Variants in SEC13 observed in about 807,000 individuals in gnomAD.
SEC13 encodes the protein SEC13 homolog, nuclear pore and COPII component.
Under a neutral mutation model 49.2 loss-of-function variants are expected in SEC13, and 25 were observed. That is an observed-to-expected ratio of 0.51 (90% CI 0.37 to 0.71). SEC13 has a LOEUF of 0.71. Among genes scored for constraint, SEC13 ranks in the 30% least tolerant of loss-of-function variants. SEC13 has a pLI of 0.00. For synonymous variants in SEC13, 148 were observed against 163.9 expected, an observed-to-expected ratio of 0.90 and a Z score of 0.74; for missense variants, 383 against 417.6, an observed-to-expected ratio of 0.92 and a Z score of 0.72.
intron 5 of SEC13, among the ~76,000 whole-genome samples, chr3:10,308,202 C>G (rs1701010283): frequency 6.6e-6 from 1 of 152,176 alleles, no homozygotes; most frequent in Non-Finnish European, 1.5e-5. Context: ...CCATCATTCC[C>G]AAAAGTTTCC....
chr3:10,305,928 G>GAAAC (rs1187906386), intron 5 of SEC13: 7 of 408,146 alleles, frequency 1.7e-5, no homozygotes, highest in East Asian at 6.8e-5. Flanking sequence ...ACAAGTTTAA[G>GAAAC]AAACAGGACA....
At chr3:10,319,969 G>A (rs1400946549) in intron 1 of SEC13, among the ~76,000 whole-genome samples, 9 of 97,742 alleles carry the variant, frequency 9.2e-5, no homozygotes, top group Non-Finnish European at 1.7e-4. Context: ...GGAGAGGAAG[G>A]GGGGAGGGAG....
intron 1 of SEC13, among the ~76,000 whole-genome samples, chr3:10,318,339 T>C (rs2125287332): frequency 6.6e-6 from 1 of 152,100 alleles, no homozygotes; most frequent in African/African-American, 2.4e-5. Flanking sequence ...AATTATTTAA[T>C]GGTGGTTTGT....
At chr3:10,309,474 G>T (rs1701112382) in intron 5 of SEC13, among the ~76,000 whole-genome samples, 1 of 152,026 alleles carries the variant, frequency 6.6e-6, no homozygotes, top group South Asian at 2.1e-4. Flanking sequence ...TTTCAGGCAG[G>T]ATCTGCTGTG....
Position 10,318,034 on chromosome 3 carries a change from T to G in SEC13, c.48+16A>C. The G allele has an allele frequency of 6.3e-7, 1 of 1,583,678 alleles. No individual in the cohort carries two copies. The highest frequency in any genetic ancestry group is 1.1e-5 in the South Asian group (1 of 90,040). On this transcript the variant is annotated intron_variant, in intron 2 of 8. Coordinates refer to ENST00000350697, the MANE Select transcript of SEC13 (RefSeq NM_183352.3). ...CATGTCCACACCCCTCCAGGGAGGG[T>G]GATATTAATACTTACAATCATGTCC...
chr3:10,312,540 G>T, intron 4 of SEC13, 39 bp downstream of exon 4: 1 of 1,607,630 alleles, frequency 6.2e-7, no homozygotes, highest in Non-Finnish European at 8.5e-7. Context: ...TTTTTACCCA[G>T]TGGTCCCCTT....
intron 8 of SEC13, among the ~76,000 whole-genome samples, chr3:10,302,646 G>A (rs1374002352): frequency 1.3e-5 from 2 of 152,282 alleles, no homozygotes; most frequent in African/African-American, 4.8e-5. Context: ...TTGAGAGGGG[G>A]CCTGCTAGAT....
chr3:10,312,471 G>T, intron 4 of SEC13, 108 bp downstream of exon 4: 1 of 1,357,586 alleles, frequency 7.4e-7, no homozygotes, highest in Non-Finnish European at 1.0e-6. Context: ...AAGCTCAAGA[G>T]ACAGACAAGA....
Position 10,312,641 on chromosome 3 carries a change from A to T in SEC13, c.254T>A (p.Ile85Asn). The T allele has an allele frequency of 3.7e-6, 6 of 1,614,192 alleles. No homozygotes were observed. Among genetic ancestry groups the T allele is most frequent in the Non-Finnish European group, 5.1e-6 (6 of 1,180,030 alleles). Residue 85 changes from isoleucine to asparagine, a missense_variant, in exon 4 of 9, where the codon ATC (isoleucine) becomes AAC (asparagine). Ile to Asn is a moderately radical substitution (Grantham distance 149). Transcript: ENST00000350697. ...ASCSYDRKVI[I>N]WREENGTWEK... Reference sequence around the variant, plus strand: ...CCAGGTGCCGTTTTCCTCTCTCCAGATAATGACTTTCCGGTCATAGGAGCA... The same window carrying T: ...CCAGGTGCCGTTTTCCTCTCTCCAGTTAATGACTTTCCGGTCATAGGAGCA...
intron 5 of SEC13, chr3:10,306,018 A>T: frequency 5.0e-6 from 1 of 198,958 alleles, no homozygotes; most frequent in Non-Finnish European, 1.0e-5. Flanking sequence ...TAGATCAAGA[A>T]ACAAGAATTC....
intron 6 of SEC13, 121 bp downstream of exon 6, chr3:10,305,438 T>A: frequency 1.5e-6 from 2 of 1,301,986 alleles, no homozygotes; most frequent in Non-Finnish European, 2.1e-6. Context: ...AAAACAGTAT[T>A]TTACTGGCAG....
rs774665340 is a variant in SEC13, at chr3:10,301,194, G to A, written c.*67C>T. On this transcript the variant is annotated 3_prime_UTR_variant, in exon 9 of 9. Transcript: ENST00000350697. ...AGTTGGGGGCTCTTCCCAGTTGTCT[G>A]GTTAGTTGGCCCAGGAAGGGGCAGT... The A allele has an allele frequency of 1.2e-6, 2 of 1,614,046 alleles. No individual in the cohort carries two copies. The highest frequency in any genetic ancestry group is 1.3e-5 in the African/African-American group (1 of 75,034).
chr3:10,301,214 G>T lies in SEC13; in HGVS notation c.*47C>A, dbSNP rs1439618281. ...TGTCTGGTTAGTTGGCCCAGGAAGG[G>T]GCAGTCCTGGAGCTGGCGGGTGGGG... On this transcript the variant is annotated 3_prime_UTR_variant, in exon 9 of 9. Transcript: ENST00000350697. 6.2e-7 allele frequency: 1 copy of T among 1,614,102 alleles called. No individual in the cohort carries two copies. The highest frequency in any genetic ancestry group is 1.7e-5 in the Admixed American group (1 of 60,020).
chr3:10,312,135 G>T (rs1031262373), intron 4 of SEC13, 37 bp from the exon 5 acceptor site: 12 of 1,553,330 alleles, frequency 7.7e-6, no homozygotes, highest in Non-Finnish European at 1.0e-5. Flanking sequence ...GCAAAGCAGG[G>T]AGACCGCGGC....
At chr3:10,311,677 A>C (rs749532246) in intron 5 of SEC13, 55 of 1,307,206 alleles carry the variant, frequency 4.2e-5, no homozygotes, top group Non-Finnish European at 5.1e-5. Flanking sequence ...ACTGCAGGGC[A>C]TGTCACCTGG....
At chr3:10,312,843 T>C (rs1401107225) in intron 3 of SEC13, 113 bp from the exon 4 acceptor site, 2 of 1,059,204 alleles carry the variant, frequency 1.9e-6, no homozygotes, top group African/African-American at 1.6e-5. Context: ...GCTTAAGAAC[T>C]TCAAAGGGAG....
chr3:10,306,415 C>T (rs1446808664), intron 5 of SEC13, among the ~76,000 whole-genome samples: 1 of 152,224 alleles, frequency 6.6e-6, no homozygotes, highest in Non-Finnish European at 1.5e-5. Context: ...GTTCTCTCAT[C>T]AGGAGGCACG....
rs1037477839 is a variant in SEC13, at chr3:10,304,155, A to G, written c.726T>C (p.Ile242=). ...ASCSQDGRVF[I]WTCDDASSNT... is the part of the protein sequence containing the mutation. ...TGCTTGAGGCATCATCACAGGTCCA[A>G]ATGAACACACGACCATCCTAGGAAG... Residue 242 remains isoleucine, a synonymous_variant, in exon 8 of 9, where the codon ATT becomes ATC. Transcript: ENST00000350697. The G allele has an allele frequency of 4.3e-6, 7 of 1,614,030 alleles. No homozygotes were observed. In the African/African-American group the frequency reaches 5.3e-5, roughly 12 times the overall value.
intron 5 of SEC13, among the ~76,000 whole-genome samples, chr3:10,310,387 A>T (rs1433989662): frequency 6.6e-6 from 1 of 152,132 alleles, no homozygotes; most frequent in Non-Finnish European, 1.5e-5. Flanking sequence ...GCTGCTCAAG[A>T]GGCTGAGGCA....
Sources: gnomAD v4.1 joint callset for allele counts (sites outside exome capture counted in the v4.1 genomes callset) on GRCh38, gnomAD v4.1.1 for gene constraint, MANE v1.5 for transcripts, NCBI Gene and HGNC (gene_info 2026-07-23, HGNC 2026-07-21) for gene names.